The following CCDC117 variants were observed in gnomAD, a reference collection of about 807,000 sequenced individuals.
The protein encoded by CCDC117 is coiled-coil domain-containing protein 117.
Under a neutral mutation model 23.5 loss-of-function variants are expected in CCDC117, and 1 was observed. The ratio of observed to expected loss-of-function variants is 0.04; its 90% confidence interval spans 0.02 to 0.20. The LOEUF (loss-of-function observed/expected upper bound fraction) is 0.20. Ranked by LOEUF, CCDC117 falls within the 10% of genes least tolerant of loss-of-function variation. The pLI is 1.00. For synonymous variants in CCDC117, 132 were observed against 124.8 expected (o/e 1.06, Z -0.39); for missense variants, 383 against 348.2 (o/e 1.10, Z -0.80).
At position 28,786,165 on chromosome 22, in the gene CCDC117, A is replaced by C; in HGVS notation, c.679A>C (p.Asn227His). 1 of 1,614,132 alleles carries C rather than the reference A, an allele frequency of 6.2e-7. No individual in the cohort carries two copies. Among genetic ancestry groups the C allele is most frequent in the Non-Finnish European group, 8.5e-7 (1 of 1,180,012 alleles). ...LLSDKPKPSS[N>H]TKNYTGESQA... ...TTCTGATAAGCCAAAGCCATCCTCT[A>C]ATACTAAGAACTATACAGGAGAGAG... The change falls in exon 5 of 5, where the codon AAT becomes CAT. Residue 227 changes from asparagine to histidine, a missense_variant. Physicochemically the swap from Asn to His is moderately conservative, Grantham distance 68. Transcript: ENST00000249064.
intron 2 of CCDC117, among the ~76,000 whole-genome samples, chr22:28,777,500 C>CTTTTCTTTTTTT (rs976299847): frequency 5.5e-5 from 8 of 146,470 alleles, no homozygotes; most frequent in African/African-American, 2.0e-4. Context: ...TACTGGACAT[C>CTTTTCTTTTTTT]TTTTCTTTTT....
chr22:28,783,724 C>A (rs1458451029), intron 4 of CCDC117, 79 bp downstream of exon 4: 15 of 1,327,928 alleles, frequency 1.1e-5, no homozygotes, highest in Non-Finnish European at 1.5e-5. Flanking sequence ...CCACCCTGTC[C>A]TCATTAGCTC....
At chr22:28,776,424 T>C (rs944987051) in intron 2 of CCDC117, among the ~76,000 whole-genome samples, 4 of 151,112 alleles carry the variant, frequency 2.6e-5, no homozygotes, top group Non-Finnish European at 4.4e-5. Flanking sequence ...ATTGTATATC[T>C]TTTCTTTTTT....
rs538429119 is a variant in CCDC117 at position 28,781,940 on chromosome 22, GC to G, written c.464+777del. ...TTACAGGCGTGAGCCACACCACCCA[GC>G]CCCCCCCCTTTTTTTTTTTTAAATT... On this transcript the variant is annotated intron_variant, in intron 3 of 4. Coordinates refer to ENST00000249064, the MANE Select transcript of CCDC117 (RefSeq NM_173510.4). Among the ~76,000 whole-genome samples the G allele has an allele frequency of 3.0e-4, 43 of 144,922 alleles. No homozygotes were observed. In the South Asian group the frequency reaches 3.7e-3, roughly 12 times the overall value.
At chr22:28,785,878 G>T (rs1169520914) in intron 4 of CCDC117, among the ~76,000 whole-genome samples, 1 of 148,736 alleles carries the variant, frequency 6.7e-6, no homozygotes, top group East Asian at 2.0e-4. Flanking sequence ...AGCTATGACT[G>T]TACCACTGTA....
intron 2 of CCDC117, among the ~76,000 whole-genome samples, chr22:28,774,787 C>T (rs1201084381): frequency 6.6e-6 from 1 of 151,674 alleles, no homozygotes; most frequent in African/African-American, 2.4e-5. Flanking sequence ...TTTTCTTTTT[C>T]TTTCTTTTTT....
At chr22:28,782,284 T>A (rs1381583599) in intron 3 of CCDC117, among the ~76,000 whole-genome samples, 6 of 119,102 alleles carry the variant, frequency 5.0e-5, no homozygotes, top group East Asian at 2.7e-4. Context: ...TTTGAAACAG[T>A]GTTGCTCTGT....
intron 4 of CCDC117, among the ~76,000 whole-genome samples, chr22:28,785,095 T>C (rs1034885085): frequency 6.6e-6 from 1 of 152,100 alleles, no homozygotes; most frequent in African/African-American, 2.4e-5. Flanking sequence ...TTTTATGTTT[T>C]ATTTTTGCTT....
intron 2 of CCDC117, among the ~76,000 whole-genome samples, chr22:28,779,547 A>G (rs1348371795): frequency 1.3e-5 from 2 of 152,198 alleles, no homozygotes; most frequent in Non-Finnish European, 2.9e-5. Flanking sequence ...TATGACAGAA[A>G]TGTTAGATAT....
intron 3 of CCDC117, 41 bp from the exon 4 acceptor site, chr22:28,783,467 C>G: frequency 1.9e-6 from 3 of 1,580,198 alleles, no homozygotes; most frequent in Non-Finnish European, 2.6e-6. Flanking sequence ...AATAGCTTGA[C>G]TAAATATTTT....
intron 2 of CCDC117, among the ~76,000 whole-genome samples, chr22:28,776,787 T>A (rs1269826989): frequency 6.6e-6 from 1 of 151,944 alleles, no homozygotes; most frequent in African/African-American, 2.4e-5. Flanking sequence ...TTTCTGCATT[T>A]TGGTCAGGCT....
Position 28,772,714 on chromosome 22 carries a change from G to A in CCDC117, c.-136G>A. On this transcript the variant is annotated 5_prime_UTR_variant, in exon 1 of 5. Transcript: ENST00000249064. ...GCCCCCGAGCGGCCTGAGGTGGAGGGTTCTAGAAGGCGTGACGTGGGGTCG... is the reference window on the plus strand; with the variant it reads ...GCCCCCGAGCGGCCTGAGGTGGAGGATTCTAGAAGGCGTGACGTGGGGTCG... The A allele has an allele frequency of 3.1e-6, 2 of 646,668 alleles. No homozygotes were observed. Among genetic ancestry groups the A allele is most frequent in the Non-Finnish European group, 4.3e-6 (2 of 462,322 alleles). The allele number at this position is 646,668 out of a possible 1,614,324, so 40.1% of individuals were successfully genotyped here.
intron 4 of CCDC117, among the ~76,000 whole-genome samples, chr22:28,784,579 A>AGCT (rs1481414162): frequency 6.6e-6 from 1 of 152,200 alleles, no homozygotes; most frequent in Non-Finnish European, 1.5e-5. Flanking sequence ...CTAGAAGTTC[A>AGCT]GCTGCTATTT....
intron 2 of CCDC117, among the ~76,000 whole-genome samples, chr22:28,778,303 TTCCCTTAATTTAAAAATCAC>T (rs1364450325): frequency 1.3e-5 from 2 of 151,600 alleles, no homozygotes; most frequent in African/African-American, 4.8e-5. Flanking sequence ...AATTTGAAAG[TTCCCTTAATTTAAAAATCAC>T]TAGGTCGGGT....
Position 28,787,214 on chromosome 22 carries a change from A to C in CCDC117, c.*888A>C, listed in dbSNP as rs1601431266. On this transcript the variant is annotated 3_prime_UTR_variant, in exon 5 of 5. Coordinates refer to ENST00000249064, the MANE Select transcript of CCDC117 (RefSeq NM_173510.4). ...TAGCAAGTTTTTTTTTTTTTCCCCCACCGCAACCTCCATCTCCCGGGTTCA... is the reference window on the plus strand; with the variant it reads ...TAGCAAGTTTTTTTTTTTTTCCCCCCCCGCAACCTCCATCTCCCGGGTTCA... 1 of 150,044 alleles carries C rather than the reference A, an allele frequency of 6.7e-6. No individual in the cohort carries two copies. The allele number at this position is 150,044 out of a possible 1,614,324, so 9.3% of individuals were successfully genotyped here. A position where few individuals can be genotyped will look rare whatever the true frequency, so the allele number is the denominator to read the frequency against.
In CCDC117 at chr22:28,787,380, C is replaced by T. The variant is rs1569201435; in HGVS notation, c.*1054C>T. On this transcript the variant is annotated 3_prime_UTR_variant, in exon 5 of 5. Transcript: ENST00000249064. The stretch of plus-strand genomic sequence containing the variant: ...TCTCGAACTCCTGACCTCAGGTGAT[C>T]TGCCCACCCCAGCCTCCCAAAATGC... 6.6e-6 allele frequency: 1 copy of T among 152,170 alleles called. No individual in the cohort carries two copies. Among genetic ancestry groups the T allele is most frequent in the Non-Finnish European group, 1.5e-5 (1 of 68,044 alleles). The allele number at this position is 152,170 out of a possible 1,614,324, so 9.4% of individuals were successfully genotyped here.
chr22:28,785,978 G>T, intron 4 of CCDC117, 111 bp from the exon 5 acceptor site: 2 of 705,180 alleles, frequency 2.8e-6, no homozygotes, highest in Non-Finnish European at 2.4e-6. Flanking sequence ...TAAATCTCCT[G>T]TTTTGCTATC....
At chr22:28,781,215 G>C in intron 3 of CCDC117, 43 bp downstream of exon 3, 1 of 1,157,444 alleles carries the variant, frequency 8.6e-7, no homozygotes, top group African/African-American at 1.5e-5. Flanking sequence ...CTGTTCTCTT[G>C]TAATAACTCT....
intron 2 of CCDC117, among the ~76,000 whole-genome samples, chr22:28,775,957 G>A (rs1447283355): frequency 6.6e-6 from 1 of 152,096 alleles, no homozygotes; most frequent in Non-Finnish European, 1.5e-5. Flanking sequence ...ATAAAAAAGC[G>A]TTCAACCTCA....
Sources: allele counts gnomAD v4.1 joint callset (sites outside exome capture counted in the v4.1 genomes callset), GRCh38; gene constraint gnomAD v4.1.1; transcripts MANE v1.5; gene names NCBI Gene and HGNC (gene_info 2026-07-23, HGNC 2026-07-21).